PDE4D: variants seen among roughly 807,000 people sequenced by gnomAD.
PDE4D encodes the protein 3',5'-cyclic-AMP phosphodiesterase 4D.
A neutral mutation model predicts 87.4 loss-of-function variants in PDE4D; 24 were observed. The observed-to-expected ratio is 0.27, with a 90% CI of 0.20 to 0.39. The LOEUF is 0.39. Ranked by LOEUF, PDE4D falls within the 10% of genes least tolerant of loss-of-function variation. The probability of loss-of-function intolerance (pLI) is 1.00; values close to 1 mark genes in which losing one functional copy is unlikely to be tolerated. For missense variants in PDE4D, 714 were observed against 1,041.0 expected, an observed-to-expected ratio of 0.69 and a Z score of 4.32; for synonymous variants, 384 against 383.2, an observed-to-expected ratio of 1.00 and a Z score of -0.02.
intron 1 of PDE4D, among the ~76,000 whole-genome samples, chr5:59,287,629 T>G (rs1177380950): frequency 6.6e-6 from 1 of 151,690 alleles, no homozygotes; most frequent in Non-Finnish European, 1.5e-5. Context: ...TATGCTGGCT[T>G]CAGGTCTGAC....
intron 1 of PDE4D, among the ~76,000 whole-genome samples, chr5:59,543,975 T>C (rs1273936489): frequency 1.3e-5 from 2 of 152,220 alleles, no homozygotes; most frequent in Non-Finnish European, 2.9e-5. Context: ...ACCTCTGAAT[T>C]GTTTGCTGTT....
intron 1 of PDE4D, among the ~76,000 whole-genome samples, chr5:59,569,442 G>C (rs910500053): frequency 6.6e-6 from 1 of 152,056 alleles, no homozygotes; most frequent in Admixed American, 6.6e-5. Flanking sequence ...CAAAAAGTAC[G>C]ACATATAAAG....
intron 3 of PDE4D, among the ~76,000 whole-genome samples, chr5:59,934,535 G>A (rs188311996): frequency 1.3e-5 from 2 of 152,314 alleles, no homozygotes; most frequent in Non-Finnish European, 2.9e-5. Flanking sequence ...TGTGAGTGGT[G>A]TTTGGAGGAA....
intron 3 of PDE4D, among the ~76,000 whole-genome samples, chr5:59,900,636 G>T (rs1044516699): frequency 1.3e-5 from 2 of 152,168 alleles, no homozygotes; most frequent in East Asian, 3.9e-4. Flanking sequence ...CAAAGTGACA[G>T]ATTTGTGAGA....
At chr5:59,217,814 TATGTG>T (rs1751585971) in intron 1 of PDE4D, among the ~76,000 whole-genome samples, 1 of 152,174 alleles carries the variant, frequency 6.6e-6, no homozygotes. Context: ...GGCACATATG[TATGTG>T]AAACCTTGTC....
chr5:60,344,519 C>T (rs1357282235), intron 1 of PDE4D, among the ~76,000 whole-genome samples: 1 of 152,070 alleles, frequency 6.6e-6, no homozygotes, highest in Non-Finnish European at 1.5e-5. Context: ...ACCCATAAAG[C>T]CTTTCTGATT....
intron 1 of PDE4D, among the ~76,000 whole-genome samples, chr5:59,807,546 T>C (rs961986014): frequency 6.6e-6 from 1 of 152,106 alleles, no homozygotes; most frequent in Non-Finnish European, 1.5e-5. Context: ...CAGAGCCAGA[T>C]GGGAAGAGAA....
chr5:59,403,170 CAGACAGATAGAT>C (rs1321446943), intron 1 of PDE4D, among the ~76,000 whole-genome samples: 5,563 of 94,028 alleles, frequency 0.059, 128 homozygotes, highest in Non-Finnish European at 0.076. Context: ...GACAGACAGA[CAGACAGATAGAT>C]AGATAGATTG....
chr5:60,487,855 G>C (rs1205963962), intron 1 of PDE4D: 1 of 152,316 alleles, frequency 6.6e-6, no homozygotes, highest in African/African-American at 2.4e-5. Context: ...TCATCTGCTA[G>C]TTCAGTATTT....
intron 1 of PDE4D, among the ~76,000 whole-genome samples, chr5:60,203,728 G>A (rs776342746): frequency 1.3e-5 from 2 of 152,168 alleles, no homozygotes; most frequent in Admixed American, 6.5e-5. Flanking sequence ...AGTCAGAATT[G>A]TGTTGATGCT....
At chr5:60,317,518 G>A (rs1755745142) in intron 1 of PDE4D, among the ~76,000 whole-genome samples, 1 of 151,890 alleles carries the variant, frequency 6.6e-6, no homozygotes, top group Non-Finnish European at 1.5e-5. Context: ...GTTATTTCTT[G>A]CCTTCTGCTA....
At chr5:59,500,933 C>T (rs1335148713) in intron 1 of PDE4D, among the ~76,000 whole-genome samples, 4 of 152,174 alleles carry the variant, frequency 2.6e-5, no homozygotes, top group African/African-American at 4.8e-5. Flanking sequence ...ATCCCTTTCT[C>T]ATTTTTCCAT....
chr5:60,303,894 G>A (rs566778982), intron 1 of PDE4D, among the ~76,000 whole-genome samples: 220 of 152,300 alleles, frequency 1.4e-3, no homozygotes, highest in African/African-American at 5.1e-3. Flanking sequence ...TCAGTGAGGT[G>A]TTAAAATCTT....
At chr5:59,471,532 A>G (rs777584497) in intron 1 of PDE4D, among the ~76,000 whole-genome samples, 3 of 152,254 alleles carry the variant, frequency 2.0e-5, no homozygotes, top group Admixed American at 6.5e-5. Flanking sequence ...TAACTGACAC[A>G]GGGTGCAAAG....
chr5:59,854,259 C>G (rs963375538), intron 1 of PDE4D, among the ~76,000 whole-genome samples: 1 of 150,574 alleles, frequency 6.6e-6, no homozygotes, highest in Non-Finnish European at 1.5e-5. Flanking sequence ...AGTAGTAAAA[C>G]TAATTTTTTC....
At chr5:59,654,755 T>TAGGCA (rs1350878388) in intron 1 of PDE4D, among the ~76,000 whole-genome samples, 1 of 151,868 alleles carries the variant, frequency 6.6e-6, no homozygotes, top group Non-Finnish European at 1.5e-5. Context: ...CCTCCAACCC[T>TAGGCA]AGGCAATCAT....
At chr5:59,763,706 A>G (rs1453781955) in intron 1 of PDE4D, among the ~76,000 whole-genome samples, 6 of 152,180 alleles carry the variant, frequency 3.9e-5, no homozygotes, top group African/African-American at 1.4e-4. Context: ...CCTGCTGATG[A>G]TAGAGGGAAT....
chr5:59,298,188 T>TCAC (rs2153558896), intron 1 of PDE4D, among the ~76,000 whole-genome samples: 1 of 146,370 alleles, frequency 6.8e-6, no homozygotes, highest in Admixed American at 7.0e-5. Flanking sequence ...ATGATCTCAC[T>TCAC]CACTGCAGCC....
chr5:60,422,220 G>C (rs1743180795), intron 1 of PDE4D, among the ~76,000 whole-genome samples: 1 of 152,076 alleles, frequency 6.6e-6, no homozygotes, highest in African/African-American at 2.4e-5. Flanking sequence ...CTCAAGAAGA[G>C]CAACCCCAAG....
Sources: allele counts gnomAD v4.1 joint callset (sites outside exome capture counted in the v4.1 genomes callset), GRCh38; gene constraint gnomAD v4.1.1; transcripts MANE v1.5; gene names NCBI Gene and HGNC (gene_info 2026-07-23, HGNC 2026-07-21).